The following LAMA2 variants were observed in gnomAD, a reference collection of about 807,000 sequenced individuals.
LAMA2 encodes the protein laminin subunit alpha-2.
A neutral mutation model predicts 364.8 loss-of-function variants in LAMA2; 269 were observed. The ratio of observed to expected loss-of-function variants is 0.74; its 90% CI spans 0.67 to 0.82. The LOEUF is 0.82. LAMA2 is among the 40% of genes least tolerant of loss of function. LAMA2 has a pLI of 0.00. For missense variants in LAMA2, 3,807 were observed against 3,873.2 expected, an observed-to-expected ratio of 0.98 and a Z score of 0.45; for synonymous variants, 1,379 against 1,370.6, an observed-to-expected ratio of 1.01 and a Z score of -0.14.
intron 29 of LAMA2, among the ~76,000 whole-genome samples, chr6:129,335,510 T>C (rs1475290863): frequency 6.6e-6 from 1 of 152,040 alleles, no homozygotes; most frequent in African/African-American, 2.4e-5. Context: ...AAACAACTTT[T>C]TAAAGATAAA....
At chr6:129,066,746 G>C (rs1789388136) in intron 3 of LAMA2, among the ~76,000 whole-genome samples, 1 of 152,168 alleles carries the variant, frequency 6.6e-6, no homozygotes, top group Non-Finnish European at 1.5e-5. Context: ...CAACAGAATA[G>C]AATAGGAGCC....
At chr6:129,034,266 T>G (rs7751469) in intron 1 of LAMA2, among the ~76,000 whole-genome samples, 143,551 of 152,048 alleles carry the variant, frequency 0.94, 67,906 homozygotes, top group East Asian at 0.97. Context: ...TCTGAGGTAG[T>G]GTAGTCAACT....
intron 34 of LAMA2, among the ~76,000 whole-genome samples, chr6:129,381,818 A>G (rs1040716749): frequency 1.3e-5 from 2 of 152,320 alleles, no homozygotes; most frequent in East Asian, 1.9e-4. Context: ...TAATTTTCCA[A>G]TGGATTCTTA....
At chr6:129,511,896 G>T (rs1376733628) in intron 62 of LAMA2, among the ~76,000 whole-genome samples, 2 of 152,052 alleles carry the variant, frequency 1.3e-5, no homozygotes, top group African/African-American at 2.4e-5. Context: ...GATGATTGTG[G>T]CACCATTTAG....
chr6:129,318,052 A>G (rs1774725087), intron 27 of LAMA2, among the ~76,000 whole-genome samples: 1 of 152,164 alleles, frequency 6.6e-6, no homozygotes, highest in Admixed American at 6.5e-5. Context: ...TAGTCTCACA[A>G]TGCTAAGAAC....
intron 44 of LAMA2, among the ~76,000 whole-genome samples, chr6:129,444,160 C>T (rs1481691029): frequency 6.6e-6 from 1 of 152,114 alleles, no homozygotes; most frequent in Non-Finnish European, 1.5e-5. Flanking sequence ...GGAAAAACTT[C>T]AACTGCTCCG....
rs781376927 is a variant in LAMA2 at position 129,391,654 on chromosome 6, G to A, written c.5234+1G>A. 6.2e-6 allele frequency: 10 copies of A among 1,611,554 alleles called. No homozygotes were observed. Among genetic ancestry groups the A allele is most frequent in the Admixed American group, 1.7e-5 (1 of 59,978 alleles). On this transcript the variant is annotated splice_donor_variant, in intron 36 of 64. Coordinates refer to ENST00000421865, the MANE Select transcript of LAMA2 (RefSeq NM_000426.4). LOFTEE classifies it high-confidence loss of function. ...AGGAAATTGCTGAAGATGAGTTGGT[G>A]TGAGTAGATGAGTTATTATTTTTTC... is the stretch of plus-strand genomic sequence containing the variant.
intron 1 of LAMA2, among the ~76,000 whole-genome samples, chr6:128,924,586 A>G (rs1778968706): frequency 6.6e-6 from 1 of 152,182 alleles, no homozygotes; most frequent in Non-Finnish European, 1.5e-5. Flanking sequence ...AGCTTTTTTA[A>G]CATCCTTCTT....
At chr6:129,415,980 G>A (rs1780767617) in intron 40 of LAMA2, among the ~76,000 whole-genome samples, 1 of 30,450 alleles carries the variant, frequency 3.3e-5, no homozygotes, top group Non-Finnish European at 5.4e-5. Context: ...ACGGAGTCTC[G>A]CTCTGTCGCC....
At chr6:129,153,981 A>G (rs1778960199) in intron 7 of LAMA2, among the ~76,000 whole-genome samples, 1 of 152,228 alleles carries the variant, frequency 6.6e-6, no homozygotes, top group South Asian at 2.1e-4. Context: ...TGGCAATTGC[A>G]TATGATTGAG....
At chr6:129,451,573 T>C (rs1485109176) in intron 45 of LAMA2, among the ~76,000 whole-genome samples, 1 of 152,174 alleles carries the variant, frequency 6.6e-6, no homozygotes, top group African/African-American at 2.4e-5. Context: ...GGAGATACAA[T>C]TTGATTAGCA....
intron 56 of LAMA2, 119 bp downstream of exon 56, chr6:129,486,741 A>C: frequency 1.1e-6 from 1 of 917,484 alleles, no homozygotes; most frequent in Non-Finnish European, 1.8e-6. Flanking sequence ...GCATTGCAAA[A>C]GGATACCGTA....
intron 35 of LAMA2, among the ~76,000 whole-genome samples, chr6:129,388,264 A>C (rs1779131990): frequency 6.6e-6 from 1 of 151,788 alleles, no homozygotes; most frequent in South Asian, 2.1e-4. Flanking sequence ...TCAAAAAAAA[A>C]AAAACAAAAA....
chr6:129,378,727 CA>C (rs905232714), intron 34 of LAMA2, among the ~76,000 whole-genome samples: 5 of 149,992 alleles, frequency 3.3e-5, no homozygotes, highest in Admixed American at 1.3e-4. Flanking sequence ...GTCTGTGAGA[CA>C]AAAAAAAAGT....
At chr6:129,488,807 G>T (rs577388785) in intron 56 of LAMA2, among the ~76,000 whole-genome samples, 1 of 152,290 alleles carries the variant, frequency 6.6e-6, no homozygotes, top group East Asian at 1.9e-4. Context: ...GAGATCGCAA[G>T]TGACCATGAG....
intron 43 of LAMA2, chr6:129,442,682 TCTCCACC>T: frequency 3.4e-6 from 1 of 294,454 alleles, no homozygotes; most frequent in Non-Finnish European, 6.5e-6. Context: ...CTCCTCCTGC[TCTCCACC>T]CTCCAAAAGA....
At chr6:129,144,163 C>G (rs1306328762) in intron 5 of LAMA2, 83 bp downstream of exon 5, 3 of 1,121,302 alleles carry the variant, frequency 2.7e-6, no homozygotes, top group Non-Finnish European at 2.7e-6. Flanking sequence ...AAAATGTTTT[C>G]AGTGATTTGT....
chr6:129,026,477 T>C (rs1464473211), intron 1 of LAMA2, among the ~76,000 whole-genome samples: 1 of 152,146 alleles, frequency 6.6e-6, no homozygotes, highest in Non-Finnish European at 1.5e-5. Flanking sequence ...GTTCTAAGAA[T>C]AAAGCAGTTT....
intron 40 of LAMA2, among the ~76,000 whole-genome samples, chr6:129,412,142 ATATAT>A (rs1299502081): frequency 4.6e-5 from 7 of 152,200 alleles, no homozygotes; most frequent in Non-Finnish European, 8.8e-5. Context: ...ATATACACAG[ATATAT>A]TATATATTTT....
Sources: allele counts gnomAD v4.1 joint callset (sites outside exome capture counted in the v4.1 genomes callset), GRCh38; gene constraint gnomAD v4.1.1; transcripts MANE v1.5; gene names NCBI Gene and HGNC (gene_info 2026-07-23, HGNC 2026-07-21).